Variants in SAFB observed in about 807,000 individuals in gnomAD.
SAFB encodes the protein scaffold attachment factor B1.
In SAFB, 15 loss-of-function variants were observed where a neutral mutation model predicts 101.6. The observed-to-expected ratio is 0.15, with a 90% CI of 0.10 to 0.23. The LOEUF (loss-of-function observed/expected upper bound fraction) is 0.23, where lower values mean the gene tolerates loss of function less well. SAFB is among the 10% of genes least tolerant of loss of function. The pLI, the probability that SAFB is intolerant of heterozygous loss-of-function variation, is 1.00. For synonymous variants in SAFB, 449 were observed against 407.5 expected, an observed-to-expected ratio of 1.10 and a Z score of -1.23; for missense variants, 930 against 1,104.1, an observed-to-expected ratio of 0.84 and a Z score of 2.23.
intron 13 of SAFB, among the ~76,000 whole-genome samples, chr19:5,654,859 C>A (rs1048557446): frequency 6.6e-6 from 1 of 152,264 alleles, no homozygotes; most frequent in Non-Finnish European, 1.5e-5. Flanking sequence ...TGAGCCACTG[C>A]GCCCAGCCTC....
At chr19:5,642,001 T>A in intron 4 of SAFB, 55 bp downstream of exon 4, 1 of 1,361,078 alleles carries the variant, frequency 7.3e-7, no homozygotes, top group South Asian at 1.2e-5. Flanking sequence ...GTTCCACAAT[T>A]AAAATAGGTG....
intron 2 of SAFB, among the ~76,000 whole-genome samples, chr19:5,635,144 A>C (rs917035130): frequency 6.6e-6 from 1 of 152,088 alleles, no homozygotes; most frequent in Non-Finnish European, 1.5e-5. Flanking sequence ...ATCTCAAAAA[A>C]AAATTTTTTT....
At chr19:5,663,011 T>A (rs80142431) in intron 15 of SAFB, among the ~76,000 whole-genome samples, 5,753 of 150,694 alleles carry the variant, frequency 0.038, 384 homozygotes, top group African/African-American at 0.13. Context: ...TAAAAAAAAA[T>A]TTTTTTTTGA....
In SAFB at chr19:5,649,122, A is replaced by G; in HGVS notation, c.771A>G (p.Glu257=). 2 of 423,390 alleles carry G rather than the reference A, an allele frequency of 4.7e-6. No homozygotes were observed. Among genetic ancestry groups the G allele is most frequent in the South Asian group, 2.3e-5 (1 of 44,440 alleles). 26.2% of individuals were successfully genotyped at this position (423,390 alleles called of 1,614,324 possible). A position where few individuals can be genotyped will look rare whatever the true frequency, so the allele number is the denominator to read the frequency against. ...SVGPDRKLAE[E]EDLFDSAHPE... ...GGCCAGACAGAAAGCTTGCGGAGGAAGAGGACCTATTTGACAGCGCCCATC... is the reference window on the plus strand; with the variant it reads ...GGCCAGACAGAAAGCTTGCGGAGGAGGAGGACCTATTTGACAGCGCCCATC... The change falls in exon 7 of 21, where the codon GAA becomes GAG. Residue 257 remains glutamate, a synonymous_variant. Coordinates refer to ENST00000588852, the MANE Select transcript of SAFB (RefSeq NM_001201338.2).
At chr19:5,637,343 CAA>C (rs553264134) in intron 2 of SAFB, among the ~76,000 whole-genome samples, 24 of 67,206 alleles carry the variant, frequency 3.6e-4, no homozygotes, top group Admixed American at 3.4e-4. Context: ...GACTCCATCT[CAA>C]AAAAAAAAAA....
intron 2 of SAFB, among the ~76,000 whole-genome samples, chr19:5,631,280 TC>T (rs1779996449): frequency 6.6e-6 from 1 of 152,178 alleles, no homozygotes; most frequent in African/African-American, 2.4e-5. Flanking sequence ...AAAATAAAAG[TC>T]GCTGTTGTGA....
chr19:5,667,787 A>C lies in SAFB; in HGVS notation c.2558-33A>C, dbSNP rs374608073. 3.7e-6 allele frequency: 6 copies of C among 1,612,436 alleles called. No individual in the cohort carries two copies. In the African/African-American group the frequency reaches 6.7e-5, roughly 18 times the overall value. On this transcript the variant is annotated intron_variant, in intron 19 of 20. Transcript: ENST00000588852. The surrounding 1 kb of genome is among the most constrained non-coding windows in gnomAD (Gnocchi z 4.0). ...CCGTGGGTTCCACGCCGTGTGCGCAAGTTCCCTGTGTGAAAGCACGTCTGT... is the reference window on the plus strand; with the variant it reads ...CCGTGGGTTCCACGCCGTGTGCGCACGTTCCCTGTGTGAAAGCACGTCTGT...
intron 1 of SAFB, among the ~76,000 whole-genome samples, chr19:5,623,787 G>A (rs1441201178): frequency 2.0e-5 from 3 of 152,222 alleles, no homozygotes; most frequent in East Asian, 1.9e-4. Context: ...GACGGGCAGC[G>A]TCGGGATTTG....
intron 17 of SAFB, 89 bp from the exon 18 acceptor site, chr19:5,666,957 T>C (rs1180616282): frequency 1.4e-5 from 12 of 831,708 alleles, no homozygotes; most frequent in Admixed American, 5.1e-5. Flanking sequence ...TGACTGTCGT[T>C]GTCATCGTTA....
rs2053362554 is a variant in SAFB at position 5,626,446 on chromosome 19, T to C, written c.231T>C (p.Ile77=). 6.2e-7 allele frequency: 1 copy of C among 1,611,130 alleles called. No homozygotes were observed. The highest frequency in any genetic ancestry group is 8.5e-7 in the Non-Finnish European group (1 of 1,177,398). The change falls in exon 2 of 21, where the codon ATT becomes ATC. Residue 77 remains isoleucine (I), a synonymous_variant. Coordinates refer to ENST00000588852, the MANE Select transcript of SAFB (RefSeq NM_001201338.2). ...DEGGNPDEIE[I]TSEGNKKTSK... ...GTGGTAATCCTGACGAAATTGAAAT[T>C]ACCTCCGAGGGAAACAAGAAAACAT...
intron 16 of SAFB, 38 bp downstream of exon 16, chr19:5,664,197 T>G: frequency 6.2e-7 from 1 of 1,605,558 alleles, no homozygotes; most frequent in East Asian, 2.2e-5. Flanking sequence ...GGTTTTCTTT[T>G]TCCTGGCTCA....
chr19:5,654,994 G>C (rs897518528), intron 13 of SAFB, among the ~76,000 whole-genome samples: 11 of 152,176 alleles, frequency 7.2e-5, no homozygotes, highest in African/African-American at 2.7e-4. Flanking sequence ...CCCTGAGTCG[G>C]TGTGTGGCAG....
chr19:5,662,668 T>A (rs1026744495), intron 15 of SAFB, among the ~76,000 whole-genome samples: 1 of 146,108 alleles, frequency 6.8e-6, no homozygotes, highest in African/African-American at 2.6e-5. Flanking sequence ...TGAGATAGAG[T>A]CTCGCTCTGT....
chr19:5,658,210 C>G (rs992943920), intron 14 of SAFB, among the ~76,000 whole-genome samples: 2 of 152,026 alleles, frequency 1.3e-5, no homozygotes, highest in African/African-American at 4.8e-5. Context: ...GTTGGCCAGG[C>G]TGGTTTCAAA....
In SAFB at chr19:5,642,534, T is replaced by C. The variant is rs181289906; in HGVS notation, c.546+588T>C. The stretch of plus-strand genomic sequence containing the variant: ...TTAACCTCAAGTATTAACCTGGATG[T>C]TGTTTTTAAACCTAAATTTTTTTCC... On this transcript the variant is annotated intron_variant, in intron 4 of 20. Coordinates refer to ENST00000588852, the MANE Select transcript of SAFB (RefSeq NM_001201338.2). Among the ~76,000 whole-genome samples, 7 of 152,188 alleles carry C rather than the reference T, an allele frequency of 4.6e-5. No homozygotes were observed. The East Asian group carries it at 1.3e-3, about 29-fold the overall frequency.
At chr19:5,656,091 A>G (rs1196365123) in intron 13 of SAFB, among the ~76,000 whole-genome samples, 1 of 152,082 alleles carries the variant, frequency 6.6e-6, no homozygotes, top group East Asian at 1.9e-4. Flanking sequence ...TTCAATTATG[A>G]TAAGCAAAAT....
Position 5,667,561 on chromosome 19 carries a change from G to C in SAFB, c.2557+111G>C. 1.2e-6 allele frequency: 1 copy of C among 806,532 alleles called. No homozygotes were observed. 50.0% of individuals were successfully genotyped at this position (806,532 alleles called of 1,614,324 possible). On this transcript the variant is annotated intron_variant, in intron 19 of 20. Coordinates refer to ENST00000588852, the MANE Select transcript of SAFB (RefSeq NM_001201338.2). The surrounding 1 kb of genome is among the most constrained non-coding windows in gnomAD (Gnocchi z 4.0). Reference sequence around the variant, plus strand: ...CAGGAGGTGCTCTGCTCTCAGTGCTGGAATGAGGAATGAAGAGCACTCCAG... The same window carrying C: ...CAGGAGGTGCTCTGCTCTCAGTGCTCGAATGAGGAATGAAGAGCACTCCAG...
intron 9 of SAFB, 97 bp downstream of exon 9, chr19:5,651,169 T>C: frequency 2.8e-6 from 2 of 720,158 alleles, no homozygotes; most frequent in Non-Finnish European, 2.3e-6. Flanking sequence ...CTTTGAGAGA[T>C]ACCAAGGAGC....
intron 3 of SAFB, 23 bp downstream of exon 3, chr19:5,641,681 G>GT: frequency 6.2e-7 from 1 of 1,613,782 alleles, no homozygotes; most frequent in Non-Finnish European, 8.5e-7. Context: ...TTGCGAGTGA[G>GT]TAGCGTGGTG....
Sources: allele counts gnomAD v4.1 joint callset (sites outside exome capture counted in the v4.1 genomes callset), GRCh38; gene constraint gnomAD v4.1.1; non-coding constraint Gnocchi (gnomAD v3.1); transcripts MANE v1.5; gene names NCBI Gene and HGNC (gene_info 2026-07-23, HGNC 2026-07-21).